Variants in PCSK6 observed in about 807,000 individuals in gnomAD.
The protein encoded by PCSK6 is proprotein convertase subtilisin/kexin type 6, also known as paired basic amino acid cleaving enzyme 4.
Under a neutral mutation model 123.3 loss-of-function variants are expected in PCSK6, and 85 were observed. The ratio of observed to expected loss-of-function variants is 0.69; its 90% confidence interval spans 0.58 to 0.83. The LOEUF is 0.83. PCSK6 is among the 40% of genes least tolerant of loss of function. PCSK6 has a pLI of 0.00. For missense variants in PCSK6, 1,191 were observed against 1,282.3 expected (o/e 0.93, Z 1.09); for synonymous variants, 508 against 516.0 (o/e 0.98, Z 0.21).
intron 9 of PCSK6, among the ~76,000 whole-genome samples, chr15:101,385,097 A>AC (rs1178971702): frequency 6.6e-6 from 1 of 151,958 alleles, no homozygotes; most frequent in Non-Finnish European, 1.5e-5. Context: ...GCTCACTGCA[A>AC]CCCCGACCTC....
rs1336195768 is a variant in PCSK6 at position 101,318,300 on chromosome 15, C to T, written c.2569+19G>A. The T allele has an allele frequency of 4.5e-6, 7 of 1,538,774 alleles. No homozygotes were observed. The highest frequency in any genetic ancestry group is 2.0e-5 in the Admixed American group (1 of 51,074). ...CTTGGGTGACGCTGGCCCGAGGCCT[C>T]CGCAGGCGGTGAACTCACCCACGCA... On this transcript the variant is annotated intron_variant, in intron 19 of 21. Transcript: ENST00000611716.
chr15:101,444,277 C>T (rs2056831426), intron 1 of PCSK6, among the ~76,000 whole-genome samples: 1 of 152,196 alleles, frequency 6.6e-6, no homozygotes, highest in African/African-American at 2.4e-5. Context: ...GAACCAACAG[C>T]AGCCCTGTGC....
chr15:101,370,194 A>T, intron 12 of PCSK6, 141 bp downstream of exon 12: 2 of 617,062 alleles, frequency 3.2e-6, no homozygotes, highest in Non-Finnish European at 4.9e-6. Flanking sequence ...AAGAGAAAGG[A>T]AGCTGCCAGC....
At chr15:101,459,235 C>T (rs566121517) in intron 1 of PCSK6, among the ~76,000 whole-genome samples, 1 of 152,172 alleles carries the variant, frequency 6.6e-6, no homozygotes, top group South Asian at 2.1e-4. Flanking sequence ...TAGCTGAAAG[C>T]CCCTACGTGC....
intron 11 of PCSK6, among the ~76,000 whole-genome samples, chr15:101,375,503 G>A (rs935818967): frequency 3.9e-5 from 6 of 152,156 alleles, no homozygotes; most frequent in Non-Finnish European, 2.9e-5. Context: ...ACCTGAAGGG[G>A]AGTAAAAGAG....
In PCSK6 at chr15:101,370,571, C is replaced by T. The variant is rs1018629410; in HGVS notation, c.1533-48G>A. ...GCACTTGGCACCGGAAGCATGAAGT[C>T]TCACCCACACAGCCAGGAGCTCCAG... On this transcript the variant is annotated intron_variant, in intron 11 of 21. Coordinates refer to ENST00000611716, the MANE Select transcript of PCSK6 (RefSeq NM_002570.5). 5.1e-6 allele frequency: 7 copies of T among 1,385,860 alleles called. No individual in the cohort carries two copies. The Admixed American group carries it at 1.2e-4, about 24-fold the overall frequency. The allele number at this position is 1,385,860 out of a possible 1,614,324, so 85.8% of individuals were successfully genotyped here. A position where few individuals can be genotyped will look rare whatever the true frequency, so the allele number is the denominator to read the frequency against.
chr15:101,463,087 T>C (rs73483182), intron 1 of PCSK6: 8,357 of 457,784 alleles, frequency 0.018, 578 homozygotes, highest in African/African-American at 0.15. Context: ...CACTTCTTCC[T>C]CACCTTCCTA....
At chr15:101,356,666 C>T (rs918284026) in intron 13 of PCSK6, among the ~76,000 whole-genome samples, 11 of 149,106 alleles carry the variant, frequency 7.4e-5, no homozygotes, top group African/African-American at 1.5e-4. Flanking sequence ...GGCAACAGAG[C>T]GAGACTGTCT....
chr15:101,324,442 C>T (rs1199038035), intron 17 of PCSK6, among the ~76,000 whole-genome samples: 1 of 152,236 alleles, frequency 6.6e-6, no homozygotes, highest in African/African-American at 2.4e-5. Flanking sequence ...AAGCCGATGG[C>T]ATAGTCTTTC....
chr15:101,393,670 AG>A (rs1226935274), intron 7 of PCSK6, among the ~76,000 whole-genome samples: 1 of 152,236 alleles, frequency 6.6e-6, no homozygotes, highest in Non-Finnish European at 1.5e-5. Context: ...GGAAGGGGCC[AG>A]AAAGACTCCT....
chr15:101,370,640 GC>G, intron 11 of PCSK6, 117 bp from the exon 12 acceptor site: 1 of 900,058 alleles, frequency 1.1e-6, no homozygotes, highest in Non-Finnish European at 1.5e-6. Context: ...GGCCCTGCGG[GC>G]CCCGGGGAGC....
At chr15:101,309,969 G>T (rs1361689059) in intron 20 of PCSK6, among the ~76,000 whole-genome samples, 1 of 152,212 alleles carries the variant, frequency 6.6e-6, no homozygotes, top group Non-Finnish European at 1.5e-5. Flanking sequence ...CAGCAGGCCT[G>T]CGTCCTGACC....
chr15:101,334,783 AAG>A lies in PCSK6; in HGVS notation c.1859-2754_1859-2753del, dbSNP rs547875794. 3.3e-3 allele frequency among the ~76,000 whole-genome samples: 501 copies of A among 152,304 alleles called. 3 individuals carry two copies. Among genetic ancestry groups the A allele is most frequent in the Non-Finnish European group, 4.2e-3 (289 of 68,018 alleles). Reference sequence around the variant, plus strand: ...CAGATATAGTTTTGGTGGGACAAACAAGAGGGGCTGCTCCACACTCAGGGTCA... The same window carrying A: ...CAGATATAGTTTTGGTGGGACAAACAAGGGGCTGCTCCACACTCAGGGTCA... On this transcript the variant is annotated intron_variant, in intron 13 of 21. Coordinates refer to ENST00000611716, the MANE Select transcript of PCSK6 (RefSeq NM_002570.5).
chr15:101,318,542 G>A (rs940771172), intron 18 of PCSK6, 120 bp from the exon 19 acceptor site: 14 of 837,908 alleles, frequency 1.7e-5, no homozygotes, highest in Middle Eastern at 2.3e-4. Context: ...TTGTGTCACC[G>A]AAAGTTCTCA....
intron 6 of PCSK6, among the ~76,000 whole-genome samples, chr15:101,417,924 C>T (rs1235022436): frequency 1.3e-5 from 2 of 151,506 alleles, no homozygotes; most frequent in Admixed American, 6.6e-5. Flanking sequence ...AAATTTATTA[C>T]ATGGGTATAT....
chr15:101,403,300 T>G (rs550440154), intron 6 of PCSK6, among the ~76,000 whole-genome samples: 2 of 146,392 alleles, frequency 1.4e-5, no homozygotes, highest in South Asian at 4.6e-4. Flanking sequence ...AGGGATAGCA[T>G]TAGGAGATAT....
chr15:101,407,473 C>T lies in PCSK6; in HGVS notation c.824-8897G>A, dbSNP rs570839095. On this transcript the variant is annotated intron_variant, in intron 6 of 21. Coordinates refer to ENST00000611716, the MANE Select transcript of PCSK6 (RefSeq NM_002570.5). ...TAGTAAACTACCCATCAGGAGTGTG[C>T]TTTTCACATGCAAGCCAACCAATCC... 7.3e-4 allele frequency among the ~76,000 whole-genome samples: 111 copies of T among 152,202 alleles called. 1 individual carries two copies. In the Middle Eastern group the frequency reaches 0.01, roughly 14 times the overall value.
intron 5 of PCSK6, among the ~76,000 whole-genome samples, chr15:101,429,213 G>T (rs1252992351): frequency 6.6e-6 from 1 of 150,886 alleles, no homozygotes; most frequent in African/African-American, 2.4e-5. Context: ...AAGAGCTCAG[G>T]GTATGGGGCA....
Position 101,451,308 on chromosome 15 carries a change from G to C in PCSK6, c.298-7648C>G, listed in dbSNP as rs993811145. Among the ~76,000 whole-genome samples, 3 of 151,330 alleles carry C rather than the reference G, an allele frequency of 2.0e-5. No homozygotes were observed. In the East Asian group the frequency reaches 5.8e-4, roughly 29 times the overall value. On this transcript the variant is annotated intron_variant, in intron 1 of 21. Coordinates refer to ENST00000611716, the MANE Select transcript of PCSK6 (RefSeq NM_002570.5). ...ATCAAATAGTTCCAAAGGTCCACCCGCCCACTCAGCTCTCCAATGGACGTG... is the reference window on the plus strand; with the variant it reads ...ATCAAATAGTTCCAAAGGTCCACCCCCCCACTCAGCTCTCCAATGGACGTG...
Sources: allele counts gnomAD v4.1 joint callset (sites outside exome capture counted in the v4.1 genomes callset), GRCh38; gene constraint gnomAD v4.1.1; transcripts MANE v1.5; gene names NCBI Gene and HGNC (gene_info 2026-07-23, HGNC 2026-07-21).